ZMYND11: variants seen among roughly 807,000 people sequenced by gnomAD.
ZMYND11 encodes the protein zinc finger MYND domain-containing protein 11.
In ZMYND11, 9 loss-of-function variants were observed where a neutral mutation model predicts 84.9. The ratio of observed to expected loss-of-function variants is 0.11; its 90% CI spans 0.06 to 0.18. The LOEUF (loss-of-function observed/expected upper bound fraction) is 0.18. Ranked by LOEUF, ZMYND11 falls within the 10% of genes least tolerant of loss-of-function variation. The pLI is 1.00. For synonymous variants in ZMYND11, 250 were observed against 244.1 expected, an observed-to-expected ratio of 1.02 and a Z score of -0.23; for missense variants, 409 against 761.0, an observed-to-expected ratio of 0.54 and a Z score of 5.44.
At chr10:236,693 G>T (rs1950031149) in intron 4 of ZMYND11, 145 bp from the exon 5 acceptor site, 1 of 647,354 alleles carries the variant, frequency 1.5e-6, no homozygotes, top group Admixed American at 3.5e-5. Flanking sequence ...AAATGTCAAA[G>T]ATTTCTGTCA....
chr10:207,558 G>A (rs1404038921), intron 2 of ZMYND11, among the ~76,000 whole-genome samples: 1 of 152,144 alleles, frequency 6.6e-6, no homozygotes, highest in Non-Finnish European at 1.5e-5. Flanking sequence ...GTATCTCATT[G>A]TGGTTTTGAT....
intron 2 of ZMYND11, among the ~76,000 whole-genome samples, chr10:197,226 ATGTG>A (rs1369514565): frequency 6.7e-6 from 1 of 149,828 alleles, no homozygotes; most frequent in Non-Finnish European, 1.5e-5. Context: ...GTGTTCATGT[ATGTG>A]TATCAATACA....
At chr10:220,656 T>C (rs1366348253) in intron 3 of ZMYND11, among the ~76,000 whole-genome samples, 2 of 152,216 alleles carry the variant, frequency 1.3e-5, no homozygotes, top group Non-Finnish European at 2.9e-5. Flanking sequence ...TCTGACATCC[T>C]ATCAGAACAT....
rs529392722 is a variant in ZMYND11 at position 150,403 on chromosome 10, A to G, written c.-20+14844A>G. 3.0e-3 allele frequency among the ~76,000 whole-genome samples: 463 copies of G among 152,242 alleles called. 2 individuals carry two copies. Among genetic ancestry groups the G allele is most frequent in the Admixed American group, 5.6e-3 (85 of 15,288 alleles). ...AGATTTTCTAGTTTATTTGCGTAGAAGTGTTTATAGTATTCTCTGATGGTA... is the reference window on the plus strand; with the variant it reads ...AGATTTTCTAGTTTATTTGCGTAGAGGTGTTTATAGTATTCTCTGATGGTA... On this transcript the variant is annotated intron_variant, in intron 1 of 14. Transcript: ENST00000381604.
intron 2 of ZMYND11, among the ~76,000 whole-genome samples, chr10:181,404 A>G (rs943620465): frequency 2.0e-5 from 3 of 152,206 alleles, no homozygotes; most frequent in East Asian, 1.9e-4. Context: ...GGATCGCCTG[A>G]GCTCAGGAGT....
intron 2 of ZMYND11, among the ~76,000 whole-genome samples, chr10:198,169 T>C (rs1392688412): frequency 6.6e-6 from 1 of 152,128 alleles, no homozygotes; most frequent in Non-Finnish European, 1.5e-5. Flanking sequence ...GTTAATAAAA[T>C]AAGTAGTTAT....
At chr10:169,112 C>T (rs1361204170) in intron 1 of ZMYND11, among the ~76,000 whole-genome samples, 1 of 152,056 alleles carries the variant, frequency 6.6e-6, no homozygotes, top group Non-Finnish European at 1.5e-5. Context: ...AAAGCCTAAC[C>T]TACCTGGGGG....
intron 1 of ZMYND11, chr10:148,868 T>G (rs1378947133): frequency 1.3e-5 from 2 of 152,262 alleles, no homozygotes; most frequent in Non-Finnish European, 2.9e-5. Context: ...GGTGATAACA[T>G]ACAACGTCTG....
chr10:247,023 C>G, intron 11 of ZMYND11, 50 bp downstream of exon 11: 1 of 1,509,662 alleles, frequency 6.6e-7, no homozygotes, highest in Non-Finnish European at 9.0e-7. Flanking sequence ...CTTTTAAATG[C>G]AGAAATCTTA....
At chr10:236,705 A>G in intron 4 of ZMYND11, 133 bp from the exon 5 acceptor site, 1 of 687,606 alleles carries the variant, frequency 1.5e-6, no homozygotes, top group Non-Finnish European at 2.4e-6. Flanking sequence ...TTTCTGTCAG[A>G]TATGTTGGAA....
intron 14 of ZMYND11, chr10:249,851 A>G: frequency 1.2e-6 from 1 of 852,720 alleles, no homozygotes; most frequent in South Asian, 5.4e-5. Context: ...TCATGAAAGA[A>G]ATATTTTTAA....
intron 3 of ZMYND11, among the ~76,000 whole-genome samples, chr10:220,664 C>G (rs1946989096): frequency 6.6e-6 from 1 of 152,146 alleles, no homozygotes; most frequent in South Asian, 2.1e-4. Context: ...CCTATCAGAA[C>G]ATGGACATTC....
chr10:187,253 A>G (rs1322308504), intron 2 of ZMYND11, among the ~76,000 whole-genome samples: 1 of 151,998 alleles, frequency 6.6e-6, no homozygotes, highest in Non-Finnish European at 1.5e-5. Context: ...AAACAAAAAA[A>G]CCCTGCAAGT....
intron 1 of ZMYND11, among the ~76,000 whole-genome samples, chr10:176,084 G>A (rs1436455456): frequency 6.6e-6 from 1 of 152,014 alleles, no homozygotes; most frequent in Non-Finnish European, 1.5e-5. Flanking sequence ...TTATTCTTAA[G>A]TTTTTTTCTG....
At chr10:157,574 T>TGG (rs1286680169) in intron 1 of ZMYND11, among the ~76,000 whole-genome samples, 34 of 151,930 alleles carry the variant, frequency 2.2e-4, no homozygotes, top group African/African-American at 6.3e-4. Context: ...TCCTAGAGGG[T>TGG]GGGGGAGGTC....
chr10:239,127 A>G (rs1950476115), intron 6 of ZMYND11, among the ~76,000 whole-genome samples: 1 of 152,202 alleles, frequency 6.6e-6, no homozygotes, highest in African/African-American at 2.4e-5. Flanking sequence ...TTCGTGCACT[A>G]CCAAGCTTAG....
At chr10:153,109 T>C in intron 1 of ZMYND11, among the ~76,000 whole-genome samples, 1 of 152,236 alleles carries the variant, frequency 6.6e-6, no homozygotes, top group East Asian at 1.9e-4. Flanking sequence ...GTGGTACTGA[T>C]GTACTGATAT....
chr10:153,915 A>C (rs891487154), intron 1 of ZMYND11, among the ~76,000 whole-genome samples: 1 of 152,182 alleles, frequency 6.6e-6, no homozygotes, highest in Non-Finnish European at 1.5e-5. Flanking sequence ...CTTGCCTTCA[A>C]ATTTAACGGT....
intron 1 of ZMYND11, chr10:148,743 C>T (rs1204392821): frequency 6.6e-6 from 1 of 152,266 alleles, no homozygotes; most frequent in Non-Finnish European, 1.5e-5. Context: ...ACAGGGTGCT[C>T]ACCAGGGCCC....
Sources: gnomAD v4.1 joint callset for allele counts (sites outside exome capture counted in the v4.1 genomes callset) on GRCh38, gnomAD v4.1.1 for gene constraint, MANE v1.5 for transcripts, NCBI Gene and HGNC (gene_info 2026-07-23, HGNC 2026-07-21) for gene names.